Variants in MTUS2 observed in about 807,000 individuals in gnomAD.
MTUS2 encodes microtubule associated scaffold protein 2.
MTUS2 carries 40 observed loss-of-function variants against 114.1 expected under a neutral mutation model. The observed-to-expected ratio is 0.35, with a 90% confidence interval of 0.27 to 0.46. The LOEUF (loss-of-function observed/expected upper bound fraction) is 0.46. Ranked by LOEUF, MTUS2 falls within the 20% of genes least tolerant of loss-of-function variation. The probability of loss-of-function intolerance (pLI) is 1.00; values close to 1 mark genes in which losing one functional copy is unlikely to be tolerated. For synonymous variants in MTUS2, 688 were observed against 672.0 expected, an observed-to-expected ratio of 1.02 and a Z score of -0.37; for missense variants, 1,679 against 1,705.4, an observed-to-expected ratio of 0.98 and a Z score of 0.27.
intron 9 of MTUS2, among the ~76,000 whole-genome samples, chr13:29,450,941 G>A (rs1878641620): frequency 6.6e-6 from 1 of 152,136 alleles, no homozygotes; most frequent in Non-Finnish European, 1.5e-5. Context: ...CAAAACACAT[G>A]AAGCAAAAAT....
chr13:29,384,870 C>G (rs1347154750), intron 8 of MTUS2, among the ~76,000 whole-genome samples: 2 of 152,170 alleles, frequency 1.3e-5, no homozygotes, highest in Non-Finnish European at 2.9e-5. Flanking sequence ...GAAAACAGAC[C>G]ACAGCTCCTG....
In MTUS2 at chr13:29,025,461, A is replaced by C. The variant is rs1485739044; in HGVS notation, c.763A>C (p.Thr255Pro). 6.2e-7 allele frequency: 1 copy of C among 1,613,126 alleles called. No homozygotes were observed. Among genetic ancestry groups the C allele is most frequent in the East Asian group, 2.2e-5 (1 of 44,822 alleles). The stretch of plus-strand genomic sequence containing the variant: ...ATCTACCTCAGAAAGCAAGCAGAGC[A>C]CTCCCTCAGAGACCCAAACAGTGGG... Reference protein sequence around the residue: ...KPSTSESKQSTPSETQTVGAH... With the variant: ...KPSTSESKQSPPSETQTVGAH... The change falls in exon 3 of 16, where the codon ACT (threonine) becomes CCT (proline). Residue 255 changes from threonine (T) to proline (P), a missense_variant. Thr to Pro is a conservative substitution (Grantham distance 38, BLOSUM62 -1). This residue lies in a region of MTUS2 where 843 missense variants were observed against 770.8 expected (regional missense o/e 1.09). Coordinates refer to ENST00000612955, the MANE Select transcript of MTUS2 (RefSeq NM_001033602.4).
Position 29,503,253 on chromosome 13 carries a change from T to G in MTUS2, c.*47T>G. The G allele has an allele frequency of 1.3e-6, 2 of 1,598,238 alleles. No individual in the cohort carries two copies. The highest frequency in any genetic ancestry group is 1.7e-6 in the Non-Finnish European group (2 of 1,170,904). Reference sequence around the variant, plus strand: ...AGCTCCGGCTTCTCGTCCTCCGGTCTCCACCCTGAGGGAGCACCGACCCGG... The same window carrying G: ...AGCTCCGGCTTCTCGTCCTCCGGTCGCCACCCTGAGGGAGCACCGACCCGG... On this transcript the variant is annotated 3_prime_UTR_variant, in exon 16 of 16. Coordinates refer to ENST00000612955, the MANE Select transcript of MTUS2 (RefSeq NM_001033602.4).
chr13:28,974,417 T>C (rs1371013585), intron 2 of MTUS2, among the ~76,000 whole-genome samples: 2 of 152,238 alleles, frequency 1.3e-5, no homozygotes, highest in East Asian at 3.9e-4. Flanking sequence ...GAAATTTCTA[T>C]GTTAAGGGAA....
intron 8 of MTUS2, among the ~76,000 whole-genome samples, chr13:29,392,809 A>C (rs1873612133): frequency 6.6e-6 from 1 of 152,194 alleles, no homozygotes. Context: ...GATGGTGGTG[A>C]TATCACACAG....
intron 5 of MTUS2, among the ~76,000 whole-genome samples, chr13:29,253,680 A>G (rs1256332308): frequency 1.3e-5 from 2 of 152,164 alleles, no homozygotes; most frequent in Non-Finnish European, 2.9e-5. Context: ...GTCCATTTTC[A>G]TACTGCTATG....
chr13:29,424,080 T>A (rs895913230), intron 8 of MTUS2, among the ~76,000 whole-genome samples: 1 of 151,622 alleles, frequency 6.6e-6, no homozygotes, highest in Admixed American at 6.6e-5. Context: ...TTGGCTGGGC[T>A]GGTCTCAAAC....
At chr13:28,900,173 C>A (rs1164351841) in intron 2 of MTUS2, among the ~76,000 whole-genome samples, 2 of 152,234 alleles carry the variant, frequency 1.3e-5, no homozygotes, top group Non-Finnish European at 2.9e-5. Context: ...CAGGCGTGAG[C>A]CATTGCGTGC....
intron 9 of MTUS2, among the ~76,000 whole-genome samples, chr13:29,444,067 A>C (rs1309211996): frequency 1.3e-5 from 2 of 152,192 alleles, no homozygotes; most frequent in East Asian, 3.9e-4. Flanking sequence ...AATTCCACCA[A>C]TATCTGTTAA....
At chr13:29,223,093 C>G (rs1895971775) in intron 5 of MTUS2, among the ~76,000 whole-genome samples, 1 of 152,132 alleles carries the variant, frequency 6.6e-6, no homozygotes, top group Non-Finnish European at 1.5e-5. Context: ...AGATGGGCTT[C>G]TGGGCAGAAA....
chr13:29,242,369 C>T (rs1896763029), intron 5 of MTUS2, among the ~76,000 whole-genome samples: 1 of 152,180 alleles, frequency 6.6e-6, no homozygotes, highest in Admixed American at 6.5e-5. Flanking sequence ...GCTTCTGAGG[C>T]TCATCTGTCT....
chr13:29,094,230 C>CCTT (rs71299894), intron 4 of MTUS2, among the ~76,000 whole-genome samples: 3 of 17,858 alleles, frequency 1.7e-4, no homozygotes, highest in African/African-American at 4.4e-4. Context: ...AGAAGTATTC[C>CCTT]CTCTTCTTTT....
chr13:28,949,590 A>G (rs1882709076), intron 2 of MTUS2, among the ~76,000 whole-genome samples: 1 of 152,176 alleles, frequency 6.6e-6, no homozygotes, highest in Admixed American at 6.5e-5. Context: ...TGAAAAACTG[A>G]AACTATATCC....
chr13:28,933,396 C>T (rs1468517600), intron 2 of MTUS2, among the ~76,000 whole-genome samples: 1 of 152,210 alleles, frequency 6.6e-6, no homozygotes, highest in African/African-American at 2.4e-5. Context: ...TCAGTCTTTG[C>T]TCTTGAGGCC....
chr13:29,273,399 A>C (rs1213139712), intron 5 of MTUS2, among the ~76,000 whole-genome samples: 2 of 152,200 alleles, frequency 1.3e-5, no homozygotes, highest in Non-Finnish European at 2.9e-5. Flanking sequence ...GTCACAATGC[A>C]GGGATAGGGG....
chr13:29,370,276 G>A (rs1001420798), intron 8 of MTUS2, among the ~76,000 whole-genome samples: 4 of 152,148 alleles, frequency 2.6e-5, no homozygotes, highest in Non-Finnish European at 5.9e-5. Flanking sequence ...AATTGCCATT[G>A]TAACAGTATT....
intron 5 of MTUS2, among the ~76,000 whole-genome samples, chr13:29,155,089 C>CT (rs1448854655): frequency 6.6e-6 from 1 of 152,186 alleles, no homozygotes. Context: ...TTTCATTTCT[C>CT]TGAATTGTAA....
At chr13:29,062,215 A>C (rs1888453451) in intron 4 of MTUS2, among the ~76,000 whole-genome samples, 1 of 152,090 alleles carries the variant, frequency 6.6e-6, no homozygotes, top group African/African-American at 2.4e-5. Flanking sequence ...TGAACTCCTG[A>C]ATTCAAGAGA....
chr13:29,361,327 A>G (rs1870233442), intron 8 of MTUS2, among the ~76,000 whole-genome samples: 1 of 152,212 alleles, frequency 6.6e-6, no homozygotes. Context: ...CACAACCAGT[A>G]ACTCCAAATG....
Sources: allele counts gnomAD v4.1 joint callset (sites outside exome capture counted in the v4.1 genomes callset), GRCh38; gene constraint gnomAD v4.1.1; regional missense constraint gnomAD v4.1.1; transcripts MANE v1.5; gene names NCBI Gene and HGNC (gene_info 2026-07-23, HGNC 2026-07-21).